The following PRXL2C variants were observed in gnomAD, a reference collection of about 807,000 sequenced individuals.
PRXL2C encodes peroxiredoxin like 2C, also known as peroxiredoxin-like 2C.
Under a neutral mutation model 24.9 loss-of-function variants are expected in PRXL2C, and 38 were observed. That is an observed-to-expected ratio of 1.53 (90% CI 1.18 to 2.00). The LOEUF (loss-of-function observed/expected upper bound fraction) is 2.00. PRXL2C is among the 30% of genes most tolerant of loss of function. The pLI, the probability that PRXL2C is intolerant of heterozygous loss-of-function variation, is 0.00. For missense variants in PRXL2C, 294 were observed against 290.9 expected, an observed-to-expected ratio of 1.01 and a Z score of -0.08; for synonymous variants, 98 against 117.2, an observed-to-expected ratio of 0.84 and a Z score of 1.06.
At chr9:96,644,411 G>A (rs1020885691) in intron 5 of PRXL2C, among the ~76,000 whole-genome samples, 16 of 152,266 alleles carry the variant, frequency 1.1e-4, no homozygotes, top group Admixed American at 2.6e-4. Flanking sequence ...GCAGAGACGA[G>A]CCAAAGCAAT....
At chr9:96,654,965 G>C in intron 1 of PRXL2C, 125 bp downstream of exon 1, 1 of 1,265,954 alleles carries the variant, frequency 7.9e-7, no homozygotes, top group South Asian at 1.8e-5. Context: ...TAGTTGGGAA[G>C]CGGCCGCGAC....
intron 4 of PRXL2C, among the ~76,000 whole-genome samples, chr9:96,647,505 C>T (rs191906149): frequency 2.2e-4 from 34 of 152,218 alleles, no homozygotes; most frequent in Admixed American, 9.8e-4. Flanking sequence ...AGCATAGAGA[C>T]TTGAGTAAAA....
chr9:96,643,468 G>C (rs1204455011), intron 5 of PRXL2C, among the ~76,000 whole-genome samples: 6 of 152,026 alleles, frequency 3.9e-5, no homozygotes, highest in Admixed American at 6.6e-5. Flanking sequence ...GGATTGTCTC[G>C]ATCTCCCGAC....
At chr9:96,643,954 G>A (rs1259926420) in intron 5 of PRXL2C, among the ~76,000 whole-genome samples, 29 of 151,906 alleles carry the variant, frequency 1.9e-4, no homozygotes, top group Admixed American at 1.9e-3. Flanking sequence ...CCAACCTGGT[G>A]AAACCTTGCC....
At chr9:96,644,572 G>A (rs200451113) in intron 5 of PRXL2C, among the ~76,000 whole-genome samples, 2 of 151,958 alleles carry the variant, frequency 1.3e-5, no homozygotes, top group East Asian at 1.9e-4. Flanking sequence ...TGCAACCTCC[G>A]CCTCCCAGGT....
intron 2 of PRXL2C, among the ~76,000 whole-genome samples, chr9:96,653,832 G>T (rs1161953143): frequency 6.6e-6 from 1 of 151,200 alleles, no homozygotes; most frequent in Non-Finnish European, 1.5e-5. Context: ...TAAAAACTCT[G>T]TAGCACAGTT....
intron 2 of PRXL2C, among the ~76,000 whole-genome samples, chr9:96,651,943 A>G (rs966891131): frequency 5.9e-5 from 9 of 152,298 alleles, no homozygotes; most frequent in African/African-American, 2.2e-4. Context: ...AAGACCTAAA[A>G]CTATAAAACT....
At chr9:96,645,293 GA>G (rs1336356970) in intron 5 of PRXL2C, among the ~76,000 whole-genome samples, 3 of 152,030 alleles carry the variant, frequency 2.0e-5, no homozygotes, top group Non-Finnish European at 4.4e-5. Flanking sequence ...CTAAATAGCG[GA>G]GTGTGTGACA....
chr9:96,642,307 G>A (rs1023567225), intron 5 of PRXL2C, among the ~76,000 whole-genome samples: 3 of 151,952 alleles, frequency 2.0e-5, no homozygotes, highest in Non-Finnish European at 4.4e-5. Flanking sequence ...AATCCACTCC[G>A]AAATACTGAT....
At chr9:96,644,798 G>C (rs1418984429) in intron 5 of PRXL2C, among the ~76,000 whole-genome samples, 2 of 149,312 alleles carry the variant, frequency 1.3e-5, no homozygotes, top group Admixed American at 6.7e-5. Context: ...AATCTTATGG[G>C]ATGAGCTGTC....
intron 5 of PRXL2C, among the ~76,000 whole-genome samples, chr9:96,642,382 A>T (rs1848129381): frequency 6.6e-6 from 1 of 152,166 alleles, no homozygotes; most frequent in African/African-American, 2.4e-5. Context: ...CTTAAAAGAC[A>T]ATCAGTTATA....
chr9:96,654,656 G>T, intron 2 of PRXL2C, 49 bp downstream of exon 2: 1 of 1,520,012 alleles, frequency 6.6e-7, no homozygotes. Flanking sequence ...CGCCCCGCTC[G>T]CAAGGTCTGC....
intron 2 of PRXL2C, among the ~76,000 whole-genome samples, chr9:96,652,542 A>C (rs1055831641): frequency 7.9e-5 from 12 of 151,942 alleles, no homozygotes; most frequent in African/African-American, 2.7e-4. Context: ...AAAAAAAGAA[A>C]TAGCCAAGAG....
Position 96,641,784 on chromosome 9 carries a change from T to C in PRXL2C, c.656A>G (p.Asn219Ser). The change falls in exon 6 of 6, where the codon AAC becomes AGC. Residue 219 changes from asparagine (N) to serine (S), a missense_variant. Coordinates refer to ENST00000375234, the MANE Select transcript of PRXL2C (RefSeq NM_153698.2). ...LVGVQHVNFT[N>S]RPSVIHV is the part of the protein sequence containing the mutation. ...TCACACATGGATAACTGAAGGTCTG[T>C]TTGTAAAGTTCACATGCTGAACTCC... The C allele has an allele frequency of 6.3e-7, 1 of 1,579,050 alleles. No individual in the cohort carries two copies. The highest frequency in any genetic ancestry group is 8.7e-7 in the Non-Finnish European group (1 of 1,154,042).
chr9:96,655,000 G>C, intron 1 of PRXL2C, 90 bp downstream of exon 1: 2 of 1,370,384 alleles, frequency 1.5e-6, no homozygotes, highest in Non-Finnish European at 1.9e-6. Flanking sequence ...TCCCGTTTCC[G>C]TCCTAAGAAG....
intron 4 of PRXL2C, among the ~76,000 whole-genome samples, chr9:96,647,587 A>G (rs979375212): frequency 6.6e-6 from 1 of 152,158 alleles, no homozygotes; most frequent in African/African-American, 2.4e-5. Flanking sequence ...CAGTGGCACA[A>G]TCATAGCTCA....
intron 4 of PRXL2C, among the ~76,000 whole-genome samples, 166 bp from the exon 5 acceptor site, chr9:96,646,190 G>A (rs548361496): frequency 1.3e-5 from 2 of 152,094 alleles, no homozygotes; most frequent in Admixed American, 6.6e-5. Flanking sequence ...TGCGATATAC[G>A]GTGTTTTGCA....
chr9:96,654,856 G>A, intron 1 of PRXL2C, 83 bp from the exon 2 acceptor site: 3 of 1,412,554 alleles, frequency 2.1e-6, no homozygotes, highest in Non-Finnish European at 2.9e-6. Context: ...CGCCGTGCGT[G>A]ACGCGAGCAA....
chr9:96,651,460 G>A lies in PRXL2C; in HGVS notation c.351C>T (p.Ile117=). 1 of 1,612,634 alleles carries A rather than the reference G, an allele frequency of 6.2e-7. No homozygotes were observed. The highest frequency in any genetic ancestry group is 8.5e-7 in the Non-Finnish European group (1 of 1,179,710). ...FCKLTGYSHE[I]YVDPEREIYK... ...AAATTTCTCTCTCAGGATCGACATA[G>A]ATTTCATGAGAATATCCAGTCAGCT... is the stretch of plus-strand genomic sequence containing the variant. The change falls in exon 4 of 6, where the codon ATC becomes ATT. Residue 117 remains isoleucine, a synonymous_variant. Coordinates refer to ENST00000375234, the MANE Select transcript of PRXL2C (RefSeq NM_153698.2).
Sources: allele counts gnomAD v4.1 joint callset (sites outside exome capture counted in the v4.1 genomes callset), GRCh38; gene constraint gnomAD v4.1.1; transcripts MANE v1.5; gene names NCBI Gene and HGNC (gene_info 2026-07-23, HGNC 2026-07-21).